Variants in DLGAP2 observed in about 807,000 individuals in gnomAD.
The protein encoded by DLGAP2 is disks large-associated protein 2.
A neutral mutation model predicts 100.3 loss-of-function variants in DLGAP2; 26 were observed. The observed-to-expected ratio is 0.26, with a 90% CI of 0.19 to 0.36. DLGAP2 has a LOEUF of 0.36. Among genes scored for constraint, DLGAP2 ranks in the 10% least tolerant of loss-of-function variants. DLGAP2 has a pLI of 1.00. For synonymous variants in DLGAP2, 886 were observed against 630.1 expected, an observed-to-expected ratio of 1.41 and a Z score of -6.08; for missense variants, 1,858 against 1,453.2, an observed-to-expected ratio of 1.28 and a Z score of -4.53.
At chr8:820,548 T>A (rs535119255) in intron 1 of DLGAP2, among the ~76,000 whole-genome samples, 1 of 152,340 alleles carries the variant, frequency 6.6e-6, no homozygotes, top group South Asian at 2.1e-4. Flanking sequence ...ATTTGTTTGC[T>A]CAATAATCAC....
At chr8:772,006 G>T (rs375206770) in intron 1 of DLGAP2, among the ~76,000 whole-genome samples, 1 of 152,074 alleles carries the variant, frequency 6.6e-6, no homozygotes, top group Admixed American at 6.6e-5. Flanking sequence ...GGACTCAAGC[G>T]ATCCTCTTGC....
At chr8:1,287,706 T>C (rs1799971646) in intron 3 of DLGAP2, among the ~76,000 whole-genome samples, 1 of 32,048 alleles carries the variant, frequency 3.1e-5, no homozygotes, top group Non-Finnish European at 5.4e-5. Flanking sequence ...TGTGTGTGTG[T>C]GTGTGTGTGT....
intron 3 of DLGAP2, among the ~76,000 whole-genome samples, chr8:1,321,105 G>A (rs560089404): frequency 6.6e-6 from 1 of 151,904 alleles, no homozygotes; most frequent in Admixed American, 6.5e-5. Context: ...GCATCCATGT[G>A]CCTCTGTGTG....
chr8:862,207 G>C (rs934317555), intron 1 of DLGAP2, among the ~76,000 whole-genome samples: 1 of 151,926 alleles, frequency 6.6e-6, no homozygotes, highest in African/African-American at 2.4e-5. Flanking sequence ...GGGCTGAGTC[G>C]CACCCAGATT....
chr8:1,143,293 C>G (rs1585099477), intron 2 of DLGAP2, among the ~76,000 whole-genome samples: 1 of 152,192 alleles, frequency 6.6e-6, no homozygotes, highest in East Asian at 1.9e-4. Flanking sequence ...CATAGACATC[C>G]TAAGCAGGGT....
At chr8:868,721 C>T (rs372978354) in intron 1 of DLGAP2, among the ~76,000 whole-genome samples, 1 of 152,186 alleles carries the variant, frequency 6.6e-6, no homozygotes, top group Non-Finnish European at 1.5e-5. Context: ...GTCTGCAGCC[C>T]TGTCTGTCAC....
chr8:1,039,168 C>CGGTGTGCGTGGTCAGCTT (rs1563158328), intron 2 of DLGAP2, among the ~76,000 whole-genome samples: 3 of 76,186 alleles, frequency 3.9e-5, no homozygotes, highest in Admixed American at 1.6e-4. Flanking sequence ...GTGGTCAGCT[C>CGGTGTGCGTGGTCAGCTT]GGTGTGCGTG....
intron 2 of DLGAP2, among the ~76,000 whole-genome samples, chr8:1,189,090 G>A (rs113849855): frequency 1.4e-5 from 2 of 144,348 alleles, no homozygotes; most frequent in Non-Finnish European, 2.9e-5. Context: ...CCGGTTCCGC[G>A]GTTGGGGTTG....
intron 4 of DLGAP2, among the ~76,000 whole-genome samples, chr8:1,511,208 G>C (rs557453038): frequency 6.6e-6 from 1 of 151,518 alleles, no homozygotes; most frequent in African/African-American, 2.4e-5. Flanking sequence ...CGTAAGTGCT[G>C]TCTAGTGTAA....
At chr8:808,779 C>A (rs1219450637) in intron 1 of DLGAP2, among the ~76,000 whole-genome samples, 4 of 152,206 alleles carry the variant, frequency 2.6e-5, no homozygotes, top group Admixed American at 2.6e-4. Context: ...GGTTTTTAAG[C>A]AGTGTGCTAA....
intron 3 of DLGAP2, among the ~76,000 whole-genome samples, chr8:1,285,259 A>G (rs983649891): frequency 2.0e-5 from 3 of 152,200 alleles, no homozygotes; most frequent in East Asian, 3.8e-4. Flanking sequence ...ACACATCTCA[A>G]TATCTACCAT....
intron 1 of DLGAP2, among the ~76,000 whole-genome samples, chr8:865,338 C>A (rs1212490944): frequency 6.6e-6 from 1 of 152,216 alleles, no homozygotes; most frequent in Non-Finnish European, 1.5e-5. Flanking sequence ...GCCACAGGCT[C>A]ATGCTTTTAT....
intron 1 of DLGAP2, among the ~76,000 whole-genome samples, chr8:788,986 G>A (rs1256064914): frequency 6.6e-6 from 1 of 152,156 alleles, no homozygotes; most frequent in East Asian, 1.9e-4. Flanking sequence ...TTTGCCACCC[G>A]TCTCTCTTCT....
chr8:1,184,156 C>G (rs1797450001), intron 2 of DLGAP2, among the ~76,000 whole-genome samples: 1 of 152,222 alleles, frequency 6.6e-6, no homozygotes, highest in Non-Finnish European at 1.5e-5. Flanking sequence ...ACAGCGGTCT[C>G]TTTTATGCAA....
intron 2 of DLGAP2, among the ~76,000 whole-genome samples, chr8:1,146,722 C>T (rs1351310467): frequency 6.6e-6 from 1 of 152,138 alleles, no homozygotes; most frequent in Non-Finnish European, 1.5e-5. Context: ...CATTCCTTTT[C>T]CTAAGGCATA....
chr8:816,085 A>T (rs1796471433), intron 1 of DLGAP2, among the ~76,000 whole-genome samples: 1 of 152,066 alleles, frequency 6.6e-6, no homozygotes, highest in Non-Finnish European at 1.5e-5. Context: ...CCTTTATTTT[A>T]AGTTTATGTG....
chr8:1,088,209 G>A (rs1263453102), intron 2 of DLGAP2, among the ~76,000 whole-genome samples: 1 of 152,126 alleles, frequency 6.6e-6, no homozygotes, highest in African/African-American at 2.4e-5. Context: ...CACTAGTCCT[G>A]GTAGCCAATA....
intron 8 of DLGAP2, among the ~76,000 whole-genome samples, chr8:1,649,715 G>A (rs1194273276): frequency 6.6e-6 from 1 of 152,146 alleles, no homozygotes; most frequent in Non-Finnish European, 1.5e-5. Context: ...TAATTATATT[G>A]GATTTATTTC....
intron 4 of DLGAP2, among the ~76,000 whole-genome samples, chr8:1,513,998 C>A (rs1474636068): frequency 6.6e-6 from 1 of 152,222 alleles, no homozygotes; most frequent in Non-Finnish European, 1.5e-5. Context: ...ACATCCCCTC[C>A]CCTTCCCGGG....
Sources: allele counts gnomAD v4.1 joint callset (sites outside exome capture counted in the v4.1 genomes callset), GRCh38; gene constraint gnomAD v4.1.1; transcripts MANE v1.5; gene names NCBI Gene and HGNC (gene_info 2026-07-23, HGNC 2026-07-21).